SORCS2: variants seen among roughly 807,000 people sequenced by gnomAD.
SORCS2 encodes sortilin related VPS10 domain containing receptor 2.
Under a neutral mutation model 141.6 loss-of-function variants are expected in SORCS2, and 100 were observed. The ratio of observed to expected loss-of-function variants is 0.71; its 90% CI spans 0.60 to 0.83. The LOEUF (loss-of-function observed/expected upper bound fraction) is 0.83. Ranked by LOEUF, SORCS2 falls within the 40% of genes least tolerant of loss-of-function variation. SORCS2 has a pLI of 0.00. For synonymous variants in SORCS2, 789 were observed against 676.9 expected (o/e 1.17, Z -2.57); for missense variants, 1,646 against 1,560.2 (o/e 1.05, Z -0.93).
At chr4:7,368,376 C>G (rs1051251000) in intron 1 of SORCS2, among the ~76,000 whole-genome samples, 21 of 152,214 alleles carry the variant, frequency 1.4e-4, no homozygotes. Context: ...ACCTCTCAAG[C>G]CCACCCTCCC....
chr4:7,333,747 G>C (rs932725353), intron 1 of SORCS2, among the ~76,000 whole-genome samples: 1 of 152,246 alleles, frequency 6.6e-6, no homozygotes, highest in African/African-American at 2.4e-5. Flanking sequence ...TAAGAAGGCA[G>C]CTGTGGGTGA....
rs775114168 is a variant in SORCS2 at position 7,648,488 on chromosome 4, T to A, written c.814-5646T>A. Among the ~76,000 whole-genome samples the A allele has an allele frequency of 2.0e-5, 3 of 151,996 alleles. No individual in the cohort carries two copies. The highest frequency in any genetic ancestry group is 4.4e-5 in the Non-Finnish European group (3 of 67,988). On this transcript the variant is annotated intron_variant, in intron 4 of 26. Transcript: ENST00000507866. This position sits in a 1 kb window ranked among gnomAD's most constrained non-coding sequence, Gnocchi z 4.2. ...CCCCGCCTTCCTCTGCCTGGGAGTA[T>A]TTATAGAGGGCCTTCTAGGTTTCAG...
Position 7,555,552 on chromosome 4 carries a change from C to T in SORCS2, c.648+23923C>T, listed in dbSNP as rs866702060. 5.3e-5 allele frequency among the ~76,000 whole-genome samples: 8 copies of T among 152,364 alleles called. No individual in the cohort carries two copies. The East Asian group carries it at 9.6e-4, about 18-fold the overall frequency. ...AGAAGCCCTCATTTCTTCATTTACG[C>T]GTGCAACTATTTAGTGTCAGGGTTG... On this transcript the variant is annotated intron_variant, in intron 3 of 26. Transcript: ENST00000507866.
chr4:7,702,665 C>T (rs1725162387), intron 12 of SORCS2, among the ~76,000 whole-genome samples: 1 of 152,248 alleles, frequency 6.6e-6, no homozygotes, highest in African/African-American at 2.4e-5. Flanking sequence ...TTCACTTGTT[C>T]ACTGATTCAT....
intron 2 of SORCS2, among the ~76,000 whole-genome samples, chr4:7,467,370 G>A (rs1387509217): frequency 6.6e-6 from 1 of 152,178 alleles, no homozygotes; most frequent in Non-Finnish European, 1.5e-5. Flanking sequence ...CCTGGGATGA[G>A]GAGCTCACCC....
intron 1 of SORCS2, among the ~76,000 whole-genome samples, chr4:7,316,744 G>C (rs566404906): frequency 6.6e-6 from 1 of 152,284 alleles, no homozygotes; most frequent in Non-Finnish European, 1.5e-5. Context: ...CTGAGTTCTT[G>C]TACAGTTCGC....
intron 1 of SORCS2, among the ~76,000 whole-genome samples, chr4:7,226,169 T>C (rs1201157176): frequency 6.6e-6 from 1 of 152,156 alleles, no homozygotes; most frequent in Non-Finnish European, 1.5e-5. Context: ...ATGCCACCAC[T>C]GAGGGAGTGT....
Position 7,676,166 on chromosome 4 carries a change from G to C in SORCS2, c.1278G>C (p.Leu426=). ...ACCCACGGGGCGTGCGCTACGCGCTGGTGCTGCAGGACGTGCGCAGCTCAC... is the reference window on the plus strand; with the variant it reads ...ACCCACGGGGCGTGCGCTACGCGCTCGTGCTGCAGGACGTGCGCAGCTCAC... ...QSDPRGVRYA[L]VLQDVRSSRQ... Residue 426 remains leucine, a synonymous_variant, in exon 9 of 27, where the codon CTG becomes CTC. Coordinates refer to ENST00000507866, the MANE Select transcript of SORCS2 (RefSeq NM_020777.3). The C allele has an allele frequency of 1.3e-6, 2 of 1,558,584 alleles. No homozygotes were observed. Among genetic ancestry groups the C allele is most frequent in the Non-Finnish European group, 1.7e-6 (2 of 1,150,908 alleles).
At chr4:7,693,163 G>C (rs1054061899) in intron 11 of SORCS2, among the ~76,000 whole-genome samples, 1 of 151,836 alleles carries the variant, frequency 6.6e-6, no homozygotes, top group Admixed American at 6.6e-5. Context: ...GCATCTGAAG[G>C]ATACCTCATC....
rs748430817 is a variant in SORCS2 at position 7,433,379 on chromosome 4, C to T, written c.548+37024C>T. 90 of 1,487,594 alleles carry T rather than the reference C, an allele frequency of 6.1e-5. No individual in the cohort carries two copies. The highest frequency in any genetic ancestry group is 7.4e-5 in the Non-Finnish European group (83 of 1,119,058). 92.1% of individuals were successfully genotyped at this position (1,487,594 alleles called of 1,614,324 possible). ...ACATGCTTCTGGCAGTGTTGCACAGCGTTGCACAGCTTGGCGGCCTCCTGG... is the reference window on the plus strand; with the variant it reads ...ACATGCTTCTGGCAGTGTTGCACAGTGTTGCACAGCTTGGCGGCCTCCTGG... On this transcript the variant is annotated intron_variant, in intron 2 of 26. Transcript: ENST00000507866.
chr4:7,482,880 T>C (rs1439222224), intron 2 of SORCS2, among the ~76,000 whole-genome samples: 1 of 151,482 alleles, frequency 6.6e-6, no homozygotes, highest in Admixed American at 6.6e-5. Context: ...GCTGCTGTGG[T>C]GGGCTGGAGA....
At chr4:7,355,854 A>G (rs1721219475) in intron 1 of SORCS2, among the ~76,000 whole-genome samples, 1 of 152,256 alleles carries the variant, frequency 6.6e-6, no homozygotes, top group South Asian at 2.1e-4. Flanking sequence ...AGTGAGATCC[A>G]GGAATCAAGG....
At chr4:7,472,163 C>T (rs1730017322) in intron 2 of SORCS2, among the ~76,000 whole-genome samples, 1 of 151,660 alleles carries the variant, frequency 6.6e-6, no homozygotes, top group Non-Finnish European at 1.5e-5. Context: ...CCTGGGCAGG[C>T]TGCTGCAGGC....
intron 1 of SORCS2, among the ~76,000 whole-genome samples, chr4:7,299,110 G>C (rs1231669949): frequency 6.6e-6 from 1 of 152,248 alleles, no homozygotes; most frequent in Non-Finnish European, 1.5e-5. Context: ...GAGACAGGCT[G>C]GGGGAGGAAA....
intron 1 of SORCS2, among the ~76,000 whole-genome samples, chr4:7,384,784 G>T (rs1723192685): frequency 6.6e-6 from 1 of 152,230 alleles, no homozygotes; most frequent in African/African-American, 2.4e-5. Flanking sequence ...AGGCTCAGTG[G>T]CTTGCCCAGG....
At chr4:7,306,333 G>T (rs1373977773) in intron 1 of SORCS2, among the ~76,000 whole-genome samples, 1 of 151,922 alleles carries the variant, frequency 6.6e-6, no homozygotes, top group Admixed American at 6.5e-5. Flanking sequence ...GCGGCATCTG[G>T]AAGGAAGTCC....
chr4:7,373,353 C>T (rs1380157559), intron 1 of SORCS2, among the ~76,000 whole-genome samples: 1 of 149,836 alleles, frequency 6.7e-6, no homozygotes, highest in Non-Finnish European at 1.5e-5. Flanking sequence ...TTTTCATATG[C>T]TTATTTGCCA....
intron 3 of SORCS2, among the ~76,000 whole-genome samples, chr4:7,626,258 C>G (rs549746419): frequency 6.6e-6 from 1 of 152,214 alleles, no homozygotes; most frequent in Non-Finnish European, 1.5e-5. Flanking sequence ...TGCTAACAGA[C>G]TTTCTTAAGC....
Position 7,327,298 on chromosome 4 carries a change from G to A in SORCS2, c.481-68990G>A, listed in dbSNP as rs536258969. 3.2e-4 allele frequency among the ~76,000 whole-genome samples: 48 copies of A among 152,304 alleles called. No homozygotes were observed. In the East Asian group the frequency reaches 5.4e-3, roughly 17 times the overall value. On this transcript the variant is annotated intron_variant, in intron 1 of 26. Transcript: ENST00000507866. ...GATCCTCCTCACCTGTCCCACCTCC[G>A]GTGGCTCCTGGCGAGGCTCTGTGCT...
Sources: gnomAD v4.1 joint callset for allele counts (sites outside exome capture counted in the v4.1 genomes callset) on GRCh38, gnomAD v4.1.1 for gene constraint, Gnocchi (gnomAD v3.1) non-coding constraint, MANE v1.5 for transcripts, NCBI Gene and HGNC (gene_info 2026-07-23, HGNC 2026-07-21) for gene names.